TIMM23: variants seen among roughly 807,000 people sequenced by gnomAD.
The protein encoded by TIMM23 is mitochondrial import inner membrane translocase subunit Tim23.
In TIMM23, 19 loss-of-function variants were observed where a neutral mutation model predicts 30.7. That is an observed-to-expected ratio of 0.62 (90% CI 0.43 to 0.91). The LOEUF is 0.91. Ranked by LOEUF, TIMM23 falls within the 40% of genes least tolerant of loss-of-function variation. TIMM23 has a pLI of 0.00. For missense variants in TIMM23, 202 were observed against 269.2 expected, an observed-to-expected ratio of 0.75 and a Z score of 1.75; for synonymous variants, 78 against 98.5, an observed-to-expected ratio of 0.79 and a Z score of 1.23.
Position 45,972,587 on chromosome 10 carries a change from G to C in TIMM23, c.-38G>C. On this transcript the variant is annotated 5_prime_UTR_variant, in exon 1 of 7. Transcript: ENST00000580018. ...ACGGCCCAGCGGACCACCCAGGCTT[G>C]AGGCAGCGGCGGGAACCACTCGGTT... 6.2e-7 allele frequency: 1 copy of C among 1,605,700 alleles called. No homozygotes were observed. Among genetic ancestry groups the C allele is most frequent in the Middle Eastern group, 1.7e-4 (1 of 5,954 alleles).
At chr10:46,001,766 TAAAAAGCTGCTTTGGGC>T (rs1838546282) in intron 6 of TIMM23, among the ~76,000 whole-genome samples, 1 of 152,172 alleles carries the variant, frequency 6.6e-6, no homozygotes, top group South Asian at 2.1e-4. Context: ...TCACATTTTT[TAAAAAGCTGCTTTGGGC>T]ACCCCCATTC....
At chr10:46,002,093 CTG>C (rs1838556746) in intron 6 of TIMM23, among the ~76,000 whole-genome samples, 1 of 152,158 alleles carries the variant, frequency 6.6e-6, no homozygotes, top group Non-Finnish European at 1.5e-5. Flanking sequence ...GTGTCACTCA[CTG>C]TTTTTTAATT....
intron 6 of TIMM23, chr10:45,998,277 C>A: frequency 1.8e-6 from 1 of 568,220 alleles, no homozygotes; most frequent in Non-Finnish European, 2.2e-6. Flanking sequence ...CACTAATCAA[C>A]CCTATATCCC....
chr10:45,977,905 C>T (rs1837722912), intron 2 of TIMM23, among the ~76,000 whole-genome samples: 1 of 152,026 alleles, frequency 6.6e-6, no homozygotes, highest in Non-Finnish European at 1.5e-5. Context: ...GTGCTGGGCG[C>T]CTGTAATCCC....
rs1183682635 is a variant in TIMM23 at position 45,988,928 on chromosome 10, C to T, written c.514+81C>T. 9.6e-3 allele frequency: 11,120 copies of T among 1,157,342 alleles called. 759 individuals carry two copies. The African/African-American group carries it at 0.14, about 15-fold the overall frequency. 71.7% of individuals were successfully genotyped at this position (1,157,342 alleles called of 1,614,324 possible). A position where few individuals can be genotyped will look rare whatever the true frequency, so the allele number is the denominator to read the frequency against. ...AAATTCATGGTTTTCAAGGAAATTACACTCTGTTGCAGTATAATCTAGTGT... is the reference window on the plus strand; with the variant it reads ...AAATTCATGGTTTTCAAGGAAATTATACTCTGTTGCAGTATAATCTAGTGT... On this transcript the variant is annotated intron_variant, in intron 6 of 6. Coordinates refer to ENST00000580018, the MANE Select transcript of TIMM23 (RefSeq NM_006327.4).
intron 1 of TIMM23, 43 bp from the exon 2 acceptor site, chr10:45,975,410 CT>C: frequency 6.2e-7 from 1 of 1,610,692 alleles, no homozygotes; most frequent in South Asian, 1.1e-5. Context: ...ACTGGATTAA[CT>C]TAAAGAATTT....
At chr10:45,989,293 T>C (rs1838086991) in intron 6 of TIMM23, among the ~76,000 whole-genome samples, 1 of 152,244 alleles carries the variant, frequency 6.6e-6, no homozygotes, top group Admixed American at 6.5e-5. Context: ...TCCATGTTGT[T>C]GCATGTGCCA....
rs782791725 is a variant in TIMM23 at position 45,990,116 on chromosome 10, ATTT to A, written c.514+1286_514+1288del. Among the ~76,000 whole-genome samples the A allele has an allele frequency of 7.6e-3, 1,032 of 135,830 alleles. 3 individuals carry two copies. Among genetic ancestry groups the A allele is most frequent in the Non-Finnish European group, 9.8e-3 (615 of 63,026 alleles). The allele number at this position is 135,830 out of a possible 152,430, so 89.1% of individuals were successfully genotyped here. A position where few individuals can be genotyped will look rare whatever the true frequency, so the allele number is the denominator to read the frequency against. ...TCCCTTTTCCCAAAGGCAACTTTTA[ATTT>A]TTTTTTTTTTTTTTTTCTTTTTTGA... On this transcript the variant is annotated intron_variant, in intron 6 of 6. Transcript: ENST00000580018.
At chr10:45,978,362 G>A (rs1837740507) in intron 2 of TIMM23, among the ~76,000 whole-genome samples, 3 of 152,018 alleles carry the variant, frequency 2.0e-5, no homozygotes, top group African/African-American at 4.8e-5. Context: ...GAAAAAAATT[G>A]GGAAAAGACA....
chr10:45,994,541 G>C (rs1838269833), intron 6 of TIMM23, among the ~76,000 whole-genome samples: 1 of 109,318 alleles, frequency 9.1e-6, no homozygotes, highest in Non-Finnish European at 1.9e-5. Context: ...CTAGGTTCAA[G>C]TGATGCTCCC....
Position 45,975,489 on chromosome 10 carries a change from G to T in TIMM23, c.142G>T (p.Val48Leu). The change falls in exon 2 of 7, where the codon GTG becomes TTG. Residue 48 changes from valine to leucine, a missense_variant. Transcript: ENST00000580018. ...GAACCCTCTGTCTCCTTATTTAAATGTGGATCCACGATACCTCGTGCAGGT... is the reference window on the plus strand; with the variant it reads ...GAACCCTCTGTCTCCTTATTTAAATTTGGATCCACGATACCTCGTGCAGGT... ...GMNPLSPYLN[V>L]DPRYLVQDTD... The T allele has an allele frequency of 6.2e-7, 1 of 1,613,862 alleles. No homozygotes were observed.
chr10:45,975,345 G>T, intron 1 of TIMM23, 109 bp from the exon 2 acceptor site: 1 of 1,449,126 alleles, frequency 6.9e-7, no homozygotes, highest in Non-Finnish European at 9.6e-7. Context: ...TCCGCCTTCA[G>T]TGAGCCTATA....
chr10:45,977,787 T>C (rs1264429155), intron 2 of TIMM23, among the ~76,000 whole-genome samples: 7 of 152,126 alleles, frequency 4.6e-5, no homozygotes, highest in African/African-American at 1.7e-4. Context: ...ATCCCAGCAC[T>C]TTGGGAGGCT....
At chr10:45,982,747 T>C (rs1345720331) in intron 3 of TIMM23, 99 bp from the exon 4 acceptor site, 12 of 1,573,386 alleles carry the variant, frequency 7.6e-6, no homozygotes, top group Non-Finnish European at 1.0e-5. Context: ...TTCTATTAAA[T>C]AAAAATGAAA....
chr10:45,988,985 G>A, intron 6 of TIMM23, 138 bp downstream of exon 6: 1 of 829,726 alleles, frequency 1.2e-6, no homozygotes, highest in Admixed American at 2.5e-5. Context: ...GTTTGGTTTG[G>A]TTTTTAATTG....
At chr10:45,996,930 A>T (rs1228617485) in intron 6 of TIMM23, among the ~76,000 whole-genome samples, 1 of 145,096 alleles carries the variant, frequency 6.9e-6, no homozygotes, top group Non-Finnish European at 1.5e-5. Flanking sequence ...GTGCCACTGC[A>T]CTTTAGCCTG....
chr10:45,974,980 C>G (rs1464607902), intron 1 of TIMM23, among the ~76,000 whole-genome samples: 3 of 151,840 alleles, frequency 2.0e-5, no homozygotes, highest in South Asian at 4.2e-4. Context: ...GTAAATCAAT[C>G]GTTAATAGTA....
At chr10:45,992,649 C>G (rs587759062) in intron 6 of TIMM23, 4,994 of 403,542 alleles carry the variant, frequency 0.012, 199 homozygotes, top group African/African-American at 0.094. Context: ...CCTCCACCTC[C>G]CGGGTTCAAG....
chr10:45,983,947 T>G (rs1355447392), intron 4 of TIMM23, among the ~76,000 whole-genome samples: 2 of 152,192 alleles, frequency 1.3e-5, no homozygotes, highest in Non-Finnish European at 2.9e-5. Context: ...TCTCACTGTA[T>G]TGCTCAGGCT....
Sources: gnomAD v4.1 joint callset for allele counts (sites outside exome capture counted in the v4.1 genomes callset) on GRCh38, gnomAD v4.1.1 for gene constraint, MANE v1.5 for transcripts, NCBI Gene and HGNC (gene_info 2026-07-23, HGNC 2026-07-21) for gene names.